Variants in MCU observed in about 807,000 individuals in gnomAD.
MCU encodes the protein calcium uniporter protein, mitochondrial.
In MCU, 12 loss-of-function variants were observed where a neutral mutation model predicts 45.2. The ratio of observed to expected loss-of-function variants is 0.27; its 90% CI spans 0.17 to 0.43. The LOEUF (loss-of-function observed/expected upper bound fraction) is 0.43, where lower values mean the gene tolerates loss of function less well. MCU is among the 20% of genes least tolerant of loss of function. The pLI is 1.00. For missense variants in MCU, 324 were observed against 436.7 expected (o/e 0.74, Z 2.30); for synonymous variants, 160 against 165.1 (o/e 0.97, Z 0.24).
chr10:72,873,812 G>A (rs1374312178), intron 6 of MCU, among the ~76,000 whole-genome samples: 1 of 151,978 alleles, frequency 6.6e-6, no homozygotes, highest in African/African-American at 2.4e-5. Flanking sequence ...TTCATTCTTC[G>A]GCATATGGTT....
intron 1 of MCU, chr10:72,692,839 G>T: frequency 7.0e-7 from 1 of 1,426,458 alleles, no homozygotes. Context: ...CCGAGGGGTC[G>T]GGCAGGAAGG....
chr10:72,802,888 A>T (rs988423588), intron 1 of MCU, among the ~76,000 whole-genome samples: 1 of 152,228 alleles, frequency 6.6e-6, no homozygotes, highest in African/African-American at 2.4e-5. Context: ...CTGAGTAATT[A>T]TGTTGAGTAG....
chr10:72,761,698 T>TG (rs1304958026), intron 1 of MCU, among the ~76,000 whole-genome samples: 1 of 152,228 alleles, frequency 6.6e-6, no homozygotes, highest in Non-Finnish European at 1.5e-5. Context: ...ACAGGTGGTT[T>TG]GGTTACAACC....
intron 1 of MCU, among the ~76,000 whole-genome samples, chr10:72,706,724 A>G (rs1275240579): frequency 6.6e-6 from 1 of 151,072 alleles, no homozygotes; most frequent in Non-Finnish European, 1.5e-5. Flanking sequence ...TGTAGTAGAG[A>G]CGGGGTTTCA....
At chr10:72,694,819 T>C (rs1842666499) in intron 1 of MCU, among the ~76,000 whole-genome samples, 1 of 152,210 alleles carries the variant, frequency 6.6e-6, no homozygotes, top group Admixed American at 6.5e-5. Flanking sequence ...CTTTTCCAAG[T>C]TTCGAGAATG....
intron 1 of MCU, among the ~76,000 whole-genome samples, chr10:72,804,042 AT>A (rs1844385409): frequency 5.6e-5 from 4 of 71,140 alleles, no homozygotes; most frequent in African/African-American, 3.6e-4. Context: ...ATATATATAT[AT>A]ATATATATAT....
At chr10:72,723,841 G>C (rs576102769) in intron 1 of MCU, among the ~76,000 whole-genome samples, 2 of 152,266 alleles carry the variant, frequency 1.3e-5, no homozygotes, top group South Asian at 4.1e-4. Context: ...TCTGCAGATA[G>C]AATAGGTTAC....
intron 1 of MCU, among the ~76,000 whole-genome samples, chr10:72,817,199 C>T (rs1042534054): frequency 6.6e-6 from 1 of 152,314 alleles, no homozygotes; most frequent in East Asian, 1.9e-4. Context: ...AGAGTAATTT[C>T]AAGCTTCCGC....
Position 72,868,836 on chromosome 10 carries a change from C to T in MCU, c.630C>T (p.Leu210=). 6.2e-6 allele frequency: 10 copies of T among 1,613,990 alleles called. No individual in the cohort carries two copies. Among genetic ancestry groups the T allele is most frequent in the Non-Finnish European group, 8.5e-6 (10 of 1,179,988 alleles). ...ERELIERLED[L]KEQLAPLEKV... is the part of the protein sequence containing the mutation. ...AGCTTATTGAAAGACTAGAGGATCTCAAAGAGCAGCTGGCTCCCCTGGAAA... is the reference window on the plus strand; with the variant it reads ...AGCTTATTGAAAGACTAGAGGATCTTAAAGAGCAGCTGGCTCCCCTGGAAA... Residue 210 remains leucine (L), a synonymous_variant, in exon 5 of 8, where the codon CTC becomes CTT. Transcript: ENST00000373053.
intron 1 of MCU, among the ~76,000 whole-genome samples, chr10:72,711,708 C>G (rs376837542): frequency 3.5e-5 from 4 of 114,660 alleles, no homozygotes; most frequent in African/African-American, 1.3e-4. Context: ...GACTGTGTTT[C>G]TTTTTTTTTT....
rs1845773340 is a variant in MCU at position 72,886,230 on chromosome 10, T to C, written c.*408T>C. 1 of 155,602 alleles carries C rather than the reference T, an allele frequency of 6.4e-6. No homozygotes were observed. The allele number at this position is 155,602 out of a possible 1,614,324, so 9.6% of individuals were successfully genotyped here. ...ACTGTCCCTATTTTTGACATAGGAG[T>C]AAATAAATATACTAGAAAAGCAAAT... On this transcript the variant is annotated 3_prime_UTR_variant, in exon 8 of 8. Transcript: ENST00000373053.
At position 72,741,098 on chromosome 10, in the gene MCU, C is replaced by CTTTTTT. The variant is rs11310286; in HGVS notation, c.150+48809_150+48814dup. 1.2e-3 allele frequency among the ~76,000 whole-genome samples: 148 copies of CTTTTTT among 124,582 alleles called. 1 individual carries two copies. Among genetic ancestry groups the CTTTTTT allele is most frequent in the Middle Eastern group, 4.4e-3 (1 of 226 alleles). 81.7% of individuals were successfully genotyped at this position (124,582 alleles called of 152,430 possible). A position where few individuals can be genotyped will look rare whatever the true frequency, so the allele number is the denominator to read the frequency against. On this transcript the variant is annotated intron_variant, in intron 1 of 7. Transcript: ENST00000373053. ...CTTGAGAGAATAGCGTTTTCTTTTT[C>CTTTTTT]TTTTTTTTTTTTTTTTTGTGTGACG...
chr10:72,705,588 C>T (rs531923227), intron 1 of MCU, among the ~76,000 whole-genome samples: 3 of 151,952 alleles, frequency 2.0e-5, no homozygotes, highest in South Asian at 4.2e-4. Flanking sequence ...GAGGCTGAGG[C>T]GGGCGGATCA....
In MCU at chr10:72,875,101, G is replaced by T. The variant is rs149145369; in HGVS notation, c.861+3521G>T. 4.6e-5 allele frequency among the ~76,000 whole-genome samples: 7 copies of T among 152,176 alleles called. No individual in the cohort carries two copies. In the East Asian group the frequency reaches 7.7e-4, roughly 17 times the overall value. ...GAGTCTCCAAGAGGATAAGTAATCT[G>T]CCCAAACATTATATCTAGTACACTG... On this transcript the variant is annotated intron_variant, in intron 6 of 7. Transcript: ENST00000373053.
chr10:72,866,322 C>T (rs181839079), intron 4 of MCU, among the ~76,000 whole-genome samples: 4 of 152,068 alleles, frequency 2.6e-5, no homozygotes, highest in Admixed American at 6.6e-5. Flanking sequence ...CGTGTTGCAA[C>T]GCTTTAGTGA....
chr10:72,692,352 G>A, intron 1 of MCU, 51 bp downstream of exon 1: 1 of 1,175,514 alleles, frequency 8.5e-7, no homozygotes, highest in Non-Finnish European at 1.1e-6. Flanking sequence ...GCGCTGGCGT[G>A]TGGGAGCCGC....
At position 72,859,204 on chromosome 10, in the gene MCU, T is replaced by C. The variant is rs1845338734; in HGVS notation, c.248T>C (p.Leu83Ser). ...GTTACAGTGGTTTATCAAAATGGGT[T>C]ACCTGTGATATCTGTGAGGCTACCA... ...DDVTVVYQNGLPVISVRLPSR... is the reference protein window; with the variant it reads ...DDVTVVYQNGSPVISVRLPSR... The change falls in exon 3 of 8, where the codon TTA becomes TCA. Residue 83 changes from leucine to serine, a missense_variant. Leu to Ser is a moderately radical substitution (Grantham distance 145). Coordinates refer to ENST00000373053, the MANE Select transcript of MCU (RefSeq NM_138357.3). The C allele has an allele frequency of 6.2e-7, 1 of 1,605,874 alleles. No individual in the cohort carries two copies. Among genetic ancestry groups the C allele is most frequent in the Non-Finnish European group, 8.5e-7 (1 of 1,176,556 alleles).
intron 1 of MCU, among the ~76,000 whole-genome samples, chr10:72,702,109 T>TGG (rs199667073): frequency 3.4e-5 from 5 of 145,422 alleles, no homozygotes; most frequent in African/African-American, 1.3e-4. Context: ...CAGTCATGGT[T>TGG]GGGGGGGAGG....
At chr10:72,749,945 T>C (rs1197833696) in intron 1 of MCU, among the ~76,000 whole-genome samples, 1 of 151,054 alleles carries the variant, frequency 6.6e-6, no homozygotes, top group African/African-American at 2.4e-5. Flanking sequence ...TTTTGTACTT[T>C]TTTTTTTTTT....
Sources: gnomAD v4.1 joint callset for allele counts (sites outside exome capture counted in the v4.1 genomes callset) on GRCh38, gnomAD v4.1.1 for gene constraint, MANE v1.5 for transcripts, NCBI Gene and HGNC (gene_info 2026-07-23, HGNC 2026-07-21) for gene names.